LAMA1: variants seen among roughly 807,000 people sequenced by gnomAD.
The protein encoded by LAMA1 is laminin subunit alpha 1.
In LAMA1, 219 loss-of-function variants were observed where a neutral mutation model predicts 348.7. That is an observed-to-expected ratio of 0.63 (90% confidence interval 0.56 to 0.70). The LOEUF (loss-of-function observed/expected upper bound fraction) is 0.70, where lower values mean the gene tolerates loss of function less well. Among genes scored for constraint, LAMA1 ranks in the 30% least tolerant of loss-of-function variants. The pLI, the probability that LAMA1 is intolerant of heterozygous loss-of-function variation, is 0.00. For missense variants in LAMA1, 3,744 were observed against 3,888.0 expected, an observed-to-expected ratio of 0.96 and a Z score of 0.99; for synonymous variants, 1,487 against 1,491.0, an observed-to-expected ratio of 1.00 and a Z score of 0.06.
intron 29 of LAMA1, among the ~76,000 whole-genome samples, chr18:7,006,208 C>T (rs959722109): frequency 1.3e-5 from 2 of 152,130 alleles, no homozygotes; most frequent in Admixed American, 6.5e-5. Flanking sequence ...AATTTGTCCT[C>T]GGTCAGGGCT....
At chr18:6,986,985 CTGACCTCAGGTGACT>C (rs1568019662) in intron 36 of LAMA1, among the ~76,000 whole-genome samples, 1 of 152,162 alleles carries the variant, frequency 6.6e-6, no homozygotes, top group African/African-American at 2.4e-5. Context: ...TCTCAAACTC[CTGACCTCAGGTGACT>C]TGCCCACCTC....
At chr18:7,054,283 A>G (rs1388720549) in intron 3 of LAMA1, among the ~76,000 whole-genome samples, 1 of 152,186 alleles carries the variant, frequency 6.6e-6, no homozygotes, top group Non-Finnish European at 1.5e-5. Flanking sequence ...TTGCCTTGTC[A>G]TAAGGCTCTG....
At chr18:7,032,728 C>A (rs553528799) in intron 15 of LAMA1, among the ~76,000 whole-genome samples, 1 of 152,268 alleles carries the variant, frequency 6.6e-6, no homozygotes, top group East Asian at 1.9e-4. Context: ...ATGAGTATTG[C>A]AAGTTTCTTG....
chr18:7,061,798 T>C (rs531909697), intron 3 of LAMA1, among the ~76,000 whole-genome samples: 1 of 152,314 alleles, frequency 6.6e-6, no homozygotes, highest in South Asian at 2.1e-4. Flanking sequence ...ACACACTCCC[T>C]CCTGCATCAC....
chr18:6,974,790 T>C lies in LAMA1; in HGVS notation c.6623+113A>G. On this transcript the variant is annotated intron_variant, in intron 46 of 62. Coordinates refer to ENST00000389658, the MANE Select transcript of LAMA1 (RefSeq NM_005559.4). ...ACCTAAACCAAGTATTGTTTGGTTA[T>C]AATCTGACTTTCCAGAAGTTTCAAA... is the stretch of plus-strand genomic sequence containing the variant. 8 of 1,377,854 alleles carry C rather than the reference T, an allele frequency of 5.8e-6. No homozygotes were observed. In the South Asian group the frequency reaches 5.9e-5, roughly 10 times the overall value. 85.4% of individuals were successfully genotyped at this position (1,377,854 alleles called of 1,614,324 possible).
intron 1 of LAMA1, among the ~76,000 whole-genome samples, chr18:7,090,392 A>T (rs2058234922): frequency 6.6e-6 from 1 of 152,166 alleles, no homozygotes; most frequent in Admixed American, 6.6e-5. Context: ...GAGATCTCTA[A>T]CACCTGGGAG....
chr18:6,944,776 G>A (rs1029694410), intron 61 of LAMA1, among the ~76,000 whole-genome samples: 11 of 152,048 alleles, frequency 7.2e-5, no homozygotes, highest in African/African-American at 2.7e-4. Context: ...CACAGTCTGT[G>A]GTACTTTGTT....
At chr18:6,956,796 T>C in intron 55 of LAMA1, 31 bp from the exon 56 acceptor site, 1 of 1,613,638 alleles carries the variant, frequency 6.2e-7, no homozygotes. Flanking sequence ...GTTTTCAAAA[T>C]TAGGATATCA....
At chr18:6,972,410 A>T (rs903043783) in intron 47 of LAMA1, among the ~76,000 whole-genome samples, 7 of 152,188 alleles carry the variant, frequency 4.6e-5, no homozygotes, top group Admixed American at 1.3e-4. Flanking sequence ...TTTGCTAAAC[A>T]CTGATTAGTA....
At chr18:7,044,642 T>C in intron 7 of LAMA1, 80 bp downstream of exon 7, 1 of 1,104,734 alleles carries the variant, frequency 9.1e-7, no homozygotes, top group Non-Finnish European at 1.4e-6. Flanking sequence ...CTGCTAACTA[T>C]AAAAGTTGTT....
intron 36 of LAMA1, among the ~76,000 whole-genome samples, chr18:6,989,074 C>A (rs1057265747): frequency 1.3e-5 from 2 of 152,108 alleles, no homozygotes; most frequent in South Asian, 4.1e-4. Context: ...TTCTGGGAGT[C>A]GACTTTTGCT....
intron 1 of LAMA1, among the ~76,000 whole-genome samples, chr18:7,089,003 T>TA (rs1320477074): frequency 6.0e-5 from 9 of 150,692 alleles, no homozygotes; most frequent in East Asian, 2.0e-4. Context: ...ACTTTGTCTC[T>TA]AAAAAAAACA....
intron 16 of LAMA1, among the ~76,000 whole-genome samples, chr18:7,026,352 G>T (rs994542116): frequency 6.6e-6 from 1 of 152,190 alleles, no homozygotes; most frequent in African/African-American, 2.4e-5. Flanking sequence ...GGAGATGGAG[G>T]ATCAAGCTTT....
intron 61 of LAMA1, 78 bp from the exon 62 acceptor site, chr18:6,943,480 A>C: frequency 8.5e-7 from 1 of 1,170,092 alleles, no homozygotes; most frequent in Non-Finnish European, 1.3e-6. Context: ...GAGTAGATAA[A>C]ATTGCAGCAT....
At chr18:7,111,003 T>C (rs1169492666) in intron 1 of LAMA1, among the ~76,000 whole-genome samples, 2 of 151,648 alleles carry the variant, frequency 1.3e-5, no homozygotes, top group Admixed American at 6.6e-5. Flanking sequence ...GGCAGGAAAC[T>C]ATGGAGCAAT....
At chr18:6,952,976 CGGCGG>C (rs2057555081) in intron 57 of LAMA1, among the ~76,000 whole-genome samples, 2 of 136,762 alleles carry the variant, frequency 1.5e-5, no homozygotes, top group African/African-American at 3.3e-5. Context: ...TGCCTGTGTC[CGGCGG>C]ATCCACGCCA....
intron 18 of LAMA1, among the ~76,000 whole-genome samples, chr18:7,024,010 T>G (rs1377243515): frequency 6.7e-6 from 1 of 149,010 alleles, no homozygotes; most frequent in African/African-American, 2.6e-5. Flanking sequence ...GGCCTTTTGT[T>G]TTTTTTTTCT....
intron 1 of LAMA1, among the ~76,000 whole-genome samples, chr18:7,088,126 T>TGCA (rs974258646): frequency 2.0e-5 from 3 of 152,168 alleles, no homozygotes; most frequent in African/African-American, 7.2e-5. Flanking sequence ...CAGAAAAATG[T>TGCA]GCACAGTGAG....
At chr18:7,100,999 G>A (rs2058289200) in intron 1 of LAMA1, among the ~76,000 whole-genome samples, 1 of 152,002 alleles carries the variant, frequency 6.6e-6, no homozygotes, top group African/African-American at 2.4e-5. Flanking sequence ...AACAGAGCTG[G>A]GGTATGACAG....
Sources: allele counts gnomAD v4.1 joint callset (sites outside exome capture counted in the v4.1 genomes callset), GRCh38; gene constraint gnomAD v4.1.1; transcripts MANE v1.5; gene names NCBI Gene and HGNC (gene_info 2026-07-23, HGNC 2026-07-21).